The following TRIM3 variants were observed in gnomAD, a reference collection of about 807,000 sequenced individuals.
The protein encoded by TRIM3 is tripartite motif containing 3.
Under a neutral mutation model 66.6 loss-of-function variants are expected in TRIM3, and 13 were observed. That is an observed-to-expected ratio of 0.20 (90% CI 0.13 to 0.31). TRIM3 has a LOEUF of 0.31. Ranked by LOEUF, TRIM3 falls within the 10% of genes least tolerant of loss-of-function variation. The probability of loss-of-function intolerance (pLI) is 1.00; values close to 1 mark genes in which losing one functional copy is unlikely to be tolerated. For missense variants in TRIM3, 711 were observed against 1,020.4 expected (o/e 0.70, Z 4.13); for synonymous variants, 406 against 411.7 (o/e 0.99, Z 0.17).
intron 2 of TRIM3, among the ~76,000 whole-genome samples, chr11:6,462,614 G>A (rs556967125): frequency 1.8e-4 from 28 of 151,916 alleles, no homozygotes; most frequent in African/African-American, 6.3e-4. Context: ...TCACTATGTT[G>A]TTTCCCAAGC....
chr11:6,468,925 C>T (rs144532138), intron 1 of TRIM3, among the ~76,000 whole-genome samples: 4 of 152,124 alleles, frequency 2.6e-5, no homozygotes, highest in African/African-American at 9.7e-5. Context: ...GATAGAAGGG[C>T]TGAGTTGCTG....
At chr11:6,471,547 G>A (rs945544441) in intron 1 of TRIM3, among the ~76,000 whole-genome samples, 1 of 152,196 alleles carries the variant, frequency 6.6e-6, no homozygotes, top group Admixed American at 6.5e-5. Context: ...AAACTTCTCT[G>A]GGCACACTGT....
At chr11:6,461,972 C>T (rs56752241) in intron 2 of TRIM3, among the ~76,000 whole-genome samples, 114 of 152,270 alleles carry the variant, frequency 7.5e-4, no homozygotes, top group African/African-American at 2.5e-3. Flanking sequence ...CCAATTTCAC[C>T]TCATCCCACT....
In TRIM3 at chr11:6,456,523, C is replaced by G; in HGVS notation, c.1203G>C (p.Ser401=). The G allele has an allele frequency of 6.3e-7, 1 of 1,590,434 alleles. No homozygotes were observed. Among genetic ancestry groups the G allele is most frequent in the African/African-American group, 1.3e-5 (1 of 74,632 alleles). ...GCACTGGCTGTCCGTAGAGCAGCAC[C>G]GAGAGGAGCAGCTCGCCTTCCGTGC... The part of the protein sequence containing the change: ...TARTEGELLL[S]VLLYGQPVRG... Residue 401 remains serine, a synonymous_variant, in exon 6 of 12, where the codon TCG becomes TCC. Transcript: ENST00000345851. This position sits in a 1 kb window ranked among gnomAD's most constrained non-coding sequence, Gnocchi z 6.4.
chr11:6,469,387 G>T (rs1340151046), intron 1 of TRIM3, among the ~76,000 whole-genome samples: 2 of 152,122 alleles, frequency 1.3e-5, no homozygotes, highest in Admixed American at 6.5e-5. Flanking sequence ...CCATACCCCT[G>T]CCTGAATCTG....
At chr11:6,464,880 C>A (rs1352112766) in intron 2 of TRIM3, among the ~76,000 whole-genome samples, 1 of 148,120 alleles carries the variant, frequency 6.8e-6, no homozygotes, top group Non-Finnish European at 1.5e-5. Context: ...CCAGCTACTC[C>A]GGAGGCTGAG....
chr11:6,457,691 C>T lies in TRIM3; in HGVS notation c.515+5G>A, dbSNP rs1345155576. The T allele has an allele frequency of 6.2e-7, 1 of 1,610,210 alleles. No individual in the cohort carries two copies. The highest frequency in any genetic ancestry group is 1.7e-5 in the Admixed American group (1 of 59,904). ...CACCAGCCCAGGACCCTGCCCAGTG[C>T]CTACCGGCCACGCACAGCCTCGAGC... On this transcript the variant is annotated splice_donor_5th_base_variant and intron_variant, in intron 4 of 11. Coordinates refer to ENST00000345851, the MANE Select transcript of TRIM3 (RefSeq NM_033278.4). The surrounding 1 kb of genome is among the most constrained non-coding windows in gnomAD (Gnocchi z 4.5).
chr11:6,463,140 G>T (rs1362566983), intron 2 of TRIM3, among the ~76,000 whole-genome samples: 5 of 152,132 alleles, frequency 3.3e-5, no homozygotes, highest in African/African-American at 1.2e-4. Context: ...AGGAGGCAGA[G>T]ATTGCAGTGA....
intron 1 of TRIM3, among the ~76,000 whole-genome samples, chr11:6,470,993 A>C (rs189366106): frequency 6.6e-6 from 1 of 152,330 alleles, no homozygotes; most frequent in East Asian, 1.9e-4. Flanking sequence ...ACCTCAGAGC[A>C]TGTGGTTTTC....
chr11:6,463,974 A>T (rs937271812), intron 2 of TRIM3, among the ~76,000 whole-genome samples: 4 of 152,242 alleles, frequency 2.6e-5, no homozygotes, highest in South Asian at 4.1e-4. Flanking sequence ...TCTCTGGTGC[A>T]GAGCCAGGTT....
chr11:6,464,179 C>T (rs1198684108), intron 2 of TRIM3, among the ~76,000 whole-genome samples: 3 of 152,176 alleles, frequency 2.0e-5, no homozygotes. Context: ...AATTCCCTAA[C>T]AGGTCTACAA....
chr11:6,469,222 C>A (rs1238212096), intron 1 of TRIM3, among the ~76,000 whole-genome samples: 1 of 152,120 alleles, frequency 6.6e-6, no homozygotes, highest in East Asian at 1.9e-4. Flanking sequence ...TAGCTGGATG[C>A]CAGGCTCCAC....
At position 6,470,772 on chromosome 11, in the gene TRIM3, A is replaced by G. The variant is rs184892920; in HGVS notation, c.-38+3019T>C. 1.7e-4 allele frequency among the ~76,000 whole-genome samples: 26 copies of G among 152,340 alleles called. No homozygotes were observed. In the East Asian group the frequency reaches 3.1e-3, roughly 18 times the overall value. On this transcript the variant is annotated intron_variant, in intron 1 of 11. Transcript: ENST00000345851. Reference sequence around the variant, plus strand: ...CCCTGAGAGGGTAAAGAGAGAAAGGAGGGTCTATCACCAAGTCCCAAGGAA... The same window carrying G: ...CCCTGAGAGGGTAAAGAGAGAAAGGGGGGTCTATCACCAAGTCCCAAGGAA...
At position 6,473,935 on chromosome 11, in the gene TRIM3, C is replaced by A. The variant is rs545311712; in HGVS notation, c.-182G>T. On this transcript the variant is annotated 5_prime_UTR_variant, in exon 1 of 12. Coordinates refer to ENST00000345851, the MANE Select transcript of TRIM3 (RefSeq NM_033278.4). The stretch of plus-strand genomic sequence containing the variant: ...GCGCCGGCGCCGCCGCCGGACTAGC[C>A]GCACAGGCCGGAGGGAGGGGCCGGG... 4.0e-4 allele frequency: 61 copies of A among 151,960 alleles called. No homozygotes were observed. Among genetic ancestry groups the A allele is most frequent in the African/African-American group, 1.2e-3 (48 of 41,476 alleles). The allele number at this position is 151,960 out of a possible 1,614,324, so 9.4% of individuals were successfully genotyped here.
chr11:6,466,188 A>G (rs1850459710), intron 1 of TRIM3, among the ~76,000 whole-genome samples: 1 of 152,114 alleles, frequency 6.6e-6, no homozygotes. Flanking sequence ...CAGCTCTTCC[A>G]TTTATACCCT....
Position 6,457,538 on chromosome 11 carries a change from C to G in TRIM3, c.516-62G>C. The G allele has an allele frequency of 6.3e-7, 1 of 1,582,970 alleles. No individual in the cohort carries two copies. The highest frequency in any genetic ancestry group is 8.6e-7 in the Non-Finnish European group (1 of 1,163,100). ...GTGGCTTTGCCGAACTTTCCCTTCT[C>G]CCTGGGGAACCTACTGCTGCCCTCA... On this transcript the variant is annotated intron_variant, in intron 4 of 11. Coordinates refer to ENST00000345851, the MANE Select transcript of TRIM3 (RefSeq NM_033278.4). The surrounding 1 kb of genome is among the most constrained non-coding windows in gnomAD (Gnocchi z 4.5).
intron 2 of TRIM3, among the ~76,000 whole-genome samples, chr11:6,460,898 C>CT (rs771919613): frequency 0.023 from 1,741 of 74,278 alleles, 101 homozygotes; most frequent in East Asian, 0.055. Context: ...TTTTTGGTGG[C>CT]TTTTTTTTTT....
At chr11:6,470,358 T>A (rs758444852) in intron 1 of TRIM3, among the ~76,000 whole-genome samples, 5 of 152,274 alleles carry the variant, frequency 3.3e-5, no homozygotes, top group Non-Finnish European at 7.4e-5. Context: ...GCAGTTTGGA[T>A]GAGAGGGTGA....
intron 1 of TRIM3, among the ~76,000 whole-genome samples, chr11:6,469,020 T>C (rs1171210669): frequency 6.6e-6 from 1 of 152,216 alleles, no homozygotes; most frequent in Non-Finnish European, 1.5e-5. Context: ...GACACTGGCA[T>C]CCTGATGTTC....
Sources: gnomAD v4.1 joint callset for allele counts (sites outside exome capture counted in the v4.1 genomes callset) on GRCh38, gnomAD v4.1.1 for gene constraint, Gnocchi (gnomAD v3.1) non-coding constraint, MANE v1.5 for transcripts, NCBI Gene and HGNC (gene_info 2026-07-23, HGNC 2026-07-21) for gene names.